Variants in NPLOC4 observed in about 807,000 individuals in gnomAD.
The protein encoded by NPLOC4 is NPL4 homolog, ubiquitin recognition factor, also known as nuclear protein localization protein 4 homolog.
NPLOC4 carries 18 observed loss-of-function variants against 80.6 expected under a neutral mutation model. That is an observed-to-expected ratio of 0.22 (90% CI 0.15 to 0.33). The LOEUF is 0.33. Ranked by LOEUF, NPLOC4 falls within the 10% of genes least tolerant of loss-of-function variation. The pLI is 1.00. For synonymous variants in NPLOC4, 313 were observed against 301.5 expected (o/e 1.04, Z -0.39); for missense variants, 540 against 786.1 (o/e 0.69, Z 3.74).
At chr17:81,595,517 T>C (rs1226335129) in intron 11 of NPLOC4, among the ~76,000 whole-genome samples, 2 of 126,184 alleles carry the variant, frequency 1.6e-5, no homozygotes, top group Non-Finnish European at 3.4e-5. Flanking sequence ...CATATATACA[T>C]ATACATATAT....
intron 8 of NPLOC4, among the ~76,000 whole-genome samples, chr17:81,603,587 C>T (rs191891260): frequency 5.3e-5 from 8 of 152,220 alleles, no homozygotes; most frequent in Admixed American, 5.2e-4. Context: ...CAGAGCAAGA[C>T]TCATCTCTAA....
At chr17:81,594,030 T>C (rs894259514) in intron 11 of NPLOC4, among the ~76,000 whole-genome samples, 3 of 151,894 alleles carry the variant, frequency 2.0e-5, no homozygotes, top group East Asian at 1.9e-4. Context: ...TCCCAGCACC[T>C]TGGAAGGCCG....
chr17:81,631,982 GAC>G (rs1025738336), intron 1 of NPLOC4, among the ~76,000 whole-genome samples: 2 of 150,000 alleles, frequency 1.3e-5, no homozygotes, highest in Non-Finnish European at 3.0e-5. Context: ...TTTTTTTTGA[GAC>G]AGTCTTTTTC....
chr17:81,619,251 C>G (rs935401582), intron 3 of NPLOC4, among the ~76,000 whole-genome samples: 1 of 151,220 alleles, frequency 6.6e-6, no homozygotes, highest in Non-Finnish European at 1.5e-5. Flanking sequence ...TTGGCGGGCG[C>G]CTGTAGTCCC....
intron 10 of NPLOC4, among the ~76,000 whole-genome samples, chr17:81,596,770 G>T (rs570163971): frequency 3.3e-5 from 5 of 152,158 alleles, no homozygotes; most frequent in Non-Finnish European, 7.3e-5. Flanking sequence ...TTAGCTCTAT[G>T]AGACCAAGAG....
At chr17:81,581,989 A>G (rs1433000834) in intron 12 of NPLOC4, among the ~76,000 whole-genome samples, 1 of 152,330 alleles carries the variant, frequency 6.6e-6, no homozygotes. Flanking sequence ...ACATGCTTCC[A>G]TGGTGGACCC....
intron 16 of NPLOC4, chr17:81,562,757 AG>A (rs2033887650): frequency 6.8e-6 from 1 of 147,666 alleles, no homozygotes; most frequent in African/African-American, 2.5e-5. Flanking sequence ...TGGGCAACAT[AG>A]TGAGACCTCA....
At chr17:81,631,731 A>G (rs1187514558) in intron 1 of NPLOC4, among the ~76,000 whole-genome samples, 1 of 152,052 alleles carries the variant, frequency 6.6e-6, no homozygotes, top group African/African-American at 2.4e-5. Context: ...TCCTCTCAGC[A>G]AAGACTGATG....
intron 2 of NPLOC4, among the ~76,000 whole-genome samples, chr17:81,627,096 AAAAAAG>A (rs1297515132): frequency 2.0e-5 from 3 of 151,892 alleles, no homozygotes; most frequent in Admixed American, 2.0e-4. Context: ...TCTCAAAAAA[AAAAAAG>A]AAAAAGGGCC....
intron 8 of NPLOC4, among the ~76,000 whole-genome samples, chr17:81,602,234 C>G (rs1436132546): frequency 6.6e-6 from 1 of 151,540 alleles, no homozygotes; most frequent in Non-Finnish European, 1.5e-5. Context: ...CAAAACAAAA[C>G]AAACAAACAA....
rs1048088373 is a variant in NPLOC4 at position 81,558,937 on chromosome 17, G to GT, written c.*321_*322insA. On this transcript the variant is annotated 3_prime_UTR_variant, in exon 17 of 17. Coordinates refer to ENST00000331134, the MANE Select transcript of NPLOC4 (RefSeq NM_017921.4). ...TGGCAGCATCGGCCCCTCCCTGTGC[G>GT]CCCCAATTCCAGGTGCCACGTAGAG... is the stretch of plus-strand genomic sequence containing the variant. 3 of 239,862 alleles carry GT rather than the reference G, an allele frequency of 1.3e-5. No homozygotes were observed. Among genetic ancestry groups the GT allele is most frequent in the South Asian group, 1.3e-4 (1 of 7,548 alleles). 14.9% of individuals were successfully genotyped at this position (239,862 alleles called of 1,614,324 possible).
intron 11 of NPLOC4, among the ~76,000 whole-genome samples, chr17:81,594,274 C>CA (rs869281063): frequency 0.06 from 3,214 of 53,608 alleles, 722 homozygotes; most frequent in Middle Eastern, 0.11. Context: ...GACTCCGTCT[C>CA]AAAAAAAAAA....
chr17:81,636,400 GTCT>G (rs2036073338), intron 1 of NPLOC4: 1 of 152,698 alleles, frequency 6.5e-6, no homozygotes, highest in Non-Finnish European at 1.5e-5. Context: ...ATTTTCCCAG[GTCT>G]TCTGGTGGGG....
At position 81,558,327 on chromosome 17, in the gene NPLOC4, C is replaced by G. The variant is rs1028762405; in HGVS notation, c.*932G>C. On this transcript the variant is annotated 3_prime_UTR_variant, in exon 17 of 17. Transcript: ENST00000331134. Reference sequence around the variant, plus strand: ...CAGAGCATCGGCACCGGTGACCCAGCTCTCCCACCCAGGCCATCGCAGGGC... The same window carrying G: ...CAGAGCATCGGCACCGGTGACCCAGGTCTCCCACCCAGGCCATCGCAGGGC... 5 of 152,364 alleles carry G rather than the reference C, an allele frequency of 3.3e-5. No individual in the cohort carries two copies. The highest frequency in any genetic ancestry group is 1.2e-4 in the African/African-American group (5 of 41,472). 9.4% of individuals were successfully genotyped at this position (152,364 alleles called of 1,614,324 possible). A position where few individuals can be genotyped will look rare whatever the true frequency, so the allele number is the denominator to read the frequency against.
At chr17:81,574,609 G>A (rs1405609275) in intron 12 of NPLOC4, among the ~76,000 whole-genome samples, 1 of 152,214 alleles carries the variant, frequency 6.6e-6, no homozygotes, top group African/African-American at 2.4e-5. Context: ...GGAGGTCGGA[G>A]GTTGTGGCCC....
chr17:81,633,861 G>A (rs371131416), intron 1 of NPLOC4, among the ~76,000 whole-genome samples: 1 of 143,328 alleles, frequency 7.0e-6, no homozygotes, highest in African/African-American at 2.7e-5. Flanking sequence ...GCCCGCCACC[G>A]CGCCCAGCTA....
chr17:81,634,200 C>T (rs2036009048), intron 1 of NPLOC4, among the ~76,000 whole-genome samples: 1 of 151,948 alleles, frequency 6.6e-6, no homozygotes, highest in African/African-American at 2.4e-5. Flanking sequence ...GACGTGGTTT[C>T]ACCATGTCGG....
chr17:81,561,355 G>A (rs905751594), intron 16 of NPLOC4, among the ~76,000 whole-genome samples: 2 of 152,170 alleles, frequency 1.3e-5, no homozygotes, highest in African/African-American at 4.8e-5. Flanking sequence ...GTTTCAGATA[G>A]AAGTCATGTT....
chr17:81,591,681 C>A (rs7502281), intron 11 of NPLOC4, among the ~76,000 whole-genome samples: 22,556 of 152,130 alleles, frequency 0.15, 2,018 homozygotes, highest in Admixed American at 0.23. Flanking sequence ...AGCAGCAGGA[C>A]ATACATGTCC....
Sources: allele counts gnomAD v4.1 joint callset (sites outside exome capture counted in the v4.1 genomes callset), GRCh38; gene constraint gnomAD v4.1.1; transcripts MANE v1.5; gene names NCBI Gene and HGNC (gene_info 2026-07-23, HGNC 2026-07-21).